SGTA: variants seen among roughly 807,000 people sequenced by gnomAD.
SGTA encodes the protein small glutamine rich tetratricopeptide repeat co-chaperone alpha, also known as small glutamine-rich tetratricopeptide repeat-containing protein alpha.
Under a neutral mutation model 44.3 loss-of-function variants are expected in SGTA, and 22 were observed. That is an observed-to-expected ratio of 0.50 (90% confidence interval 0.36 to 0.71). SGTA has a LOEUF of 0.71. SGTA is among the 30% of genes least tolerant of loss of function. The probability of loss-of-function intolerance (pLI) is 0.00; values close to 1 mark genes in which losing one functional copy is unlikely to be tolerated. For synonymous variants in SGTA, 174 were observed against 177.6 expected, an observed-to-expected ratio of 0.98 and a Z score of 0.16; for missense variants, 341 against 435.9, an observed-to-expected ratio of 0.78 and a Z score of 1.94.
intron 8 of SGTA, 86 bp from the exon 9 acceptor site, chr19:2,759,380 T>A: frequency 7.6e-7 from 1 of 1,310,070 alleles, no homozygotes; most frequent in Non-Finnish European, 1.1e-6. Flanking sequence ...TTAACCAGCC[T>A]TGGTTCTGGA....
In SGTA at chr19:2,767,431, A is replaced by G; in HGVS notation, c.207+149T>C. The G allele has an allele frequency of 1.3e-6, 1 of 757,448 alleles. No homozygotes were observed. 46.9% of individuals were successfully genotyped at this position (757,448 alleles called of 1,614,324 possible). ...CCCGCCGATAGGGGGAGGAGGGCCA[A>G]GTGCTCCTGCAGCCACGTCCCCAGC... On this transcript the variant is annotated intron_variant, in intron 3 of 11. Transcript: ENST00000221566. The surrounding 1 kb of genome is among the most constrained non-coding windows in gnomAD (Gnocchi z 7.3).
Position 2,767,023 on chromosome 19 carries a change from G to A in SGTA, c.292+113C>T, listed in dbSNP as rs1915161777. 1 of 791,384 alleles carries A rather than the reference G, an allele frequency of 1.3e-6. No homozygotes were observed. Among genetic ancestry groups the A allele is most frequent in the East Asian group, 2.7e-5 (1 of 37,054 alleles). The allele number at this position is 791,384 out of a possible 1,614,324, so 49.0% of individuals were successfully genotyped here. ...CACAAGCCAGCGTGCTGGTCATCAGGGCAATTCCCTCAGCTCCCTGGGCCC... is the reference window on the plus strand; with the variant it reads ...CACAAGCCAGCGTGCTGGTCATCAGAGCAATTCCCTCAGCTCCCTGGGCCC... On this transcript the variant is annotated intron_variant, in intron 4 of 11. Transcript: ENST00000221566. This position sits in a 1 kb window ranked among gnomAD's most constrained non-coding sequence, Gnocchi z 7.3.
rs1915058919 is a variant in SGTA, at chr19:2,763,513, C to G, written c.497+140G>C. The G allele has an allele frequency of 1.7e-6, 1 of 601,098 alleles. No individual in the cohort carries two copies. Among genetic ancestry groups the G allele is most frequent in the Non-Finnish European group, 2.9e-6 (1 of 342,150 alleles). 37.2% of individuals were successfully genotyped at this position (601,098 alleles called of 1,614,324 possible). On this transcript the variant is annotated intron_variant, in intron 6 of 11. Transcript: ENST00000221566. The surrounding 1 kb of genome is among the most constrained non-coding windows in gnomAD (Gnocchi z 5.8). ...CTGTAGGGACTACGTTGGCTCCGAA[C>G]AGCTAGTGTCAGAGTTGAACTGAAC...
chr19:2,763,646 C>A lies in SGTA; in HGVS notation c.497+7G>T, dbSNP rs537737254. ...CTGGAAAGGCGCGGCCGTGGACAGG[C>A]ACTCACCCCATCCTGCCGTAGGCCT... On this transcript the variant is annotated splice_region_variant and intron_variant, in intron 6 of 11. Transcript: ENST00000221566. This position sits in a 1 kb window ranked among gnomAD's most constrained non-coding sequence, Gnocchi z 5.8. The A allele has an allele frequency of 2.5e-6, 4 of 1,600,936 alleles. No homozygotes were observed. The highest frequency in any genetic ancestry group is 3.4e-6 in the Non-Finnish European group (4 of 1,169,380).
intron 1 of SGTA, among the ~76,000 whole-genome samples, chr19:2,777,020 T>C (rs1915458761): frequency 6.6e-6 from 1 of 151,662 alleles, no homozygotes; most frequent in African/African-American, 2.4e-5. Context: ...CCCAACACTT[T>C]GGGAAGCCGA....
chr19:2,770,436 C>CG (rs1326889580), intron 1 of SGTA: 1 of 152,318 alleles, frequency 6.6e-6, no homozygotes, highest in African/African-American at 2.4e-5. Context: ...GAGCTTCCCC[C>CG]GGGGCAGGCT....
rs1003084228 is a variant in SGTA, at chr19:2,765,052, G to C, written c.392+134C>G. ...TGCTGGTCACCTGATGCTCGCTCCT[G>C]GTCTGAGACCACCGGTGAATGGATC... On this transcript the variant is annotated intron_variant, in intron 5 of 11. Coordinates refer to ENST00000221566, the MANE Select transcript of SGTA (RefSeq NM_003021.4). The surrounding 1 kb of genome is among the most constrained non-coding windows in gnomAD (Gnocchi z 5.5). 9.2e-6 allele frequency: 6 copies of C among 655,298 alleles called. No homozygotes were observed. The highest frequency in any genetic ancestry group is 9.0e-5 in the African/African-American group (5 of 55,250). 40.6% of individuals were successfully genotyped at this position (655,298 alleles called of 1,614,324 possible). A position where few individuals can be genotyped will look rare whatever the true frequency, so the allele number is the denominator to read the frequency against.
intron 1 of SGTA, among the ~76,000 whole-genome samples, chr19:2,774,204 C>A (rs553867589): frequency 6.6e-6 from 1 of 152,368 alleles, no homozygotes; most frequent in African/African-American, 2.4e-5. Flanking sequence ...CAGGACGCAC[C>A]TCAGTCCTCG....
chr19:2,771,005 C>A (rs191967805), intron 1 of SGTA, among the ~76,000 whole-genome samples: 13 of 152,240 alleles, frequency 8.5e-5, no homozygotes, highest in African/African-American at 2.9e-4. Context: ...ACGGGTTGTT[C>A]GGCCTGAGCC....
intron 1 of SGTA, among the ~76,000 whole-genome samples, chr19:2,780,865 A>G (rs528334172): frequency 1.2e-4 from 19 of 152,316 alleles, no homozygotes; most frequent in African/African-American, 4.1e-4. Context: ...GTGGAGGATC[A>G]CTTGAACCCA....
chr19:2,757,502 C>T, intron 10 of SGTA, 45 bp from the exon 11 acceptor site: 1 of 1,591,730 alleles, frequency 6.3e-7, no homozygotes, highest in Non-Finnish European at 8.5e-7. Flanking sequence ...CAGGAGGCTG[C>T]CTGCTGCCTC....
chr19:2,761,587 G>C lies in SGTA; in HGVS notation c.637-65C>G. The stretch of plus-strand genomic sequence containing the variant: ...AGAGGCCACGGTGAATAACCCCCTG[G>C]AACTCAGAAACAACGGCCCCCCACG... On this transcript the variant is annotated intron_variant, in intron 7 of 11. Transcript: ENST00000221566. The surrounding 1 kb of genome is among the most constrained non-coding windows in gnomAD (Gnocchi z 5.7). 7.4e-7 allele frequency: 1 copy of C among 1,357,876 alleles called. No individual in the cohort carries two copies. The highest frequency in any genetic ancestry group is 2.5e-5 in the East Asian group (1 of 39,906). The allele number at this position is 1,357,876 out of a possible 1,614,324, so 84.1% of individuals were successfully genotyped here.
intron 1 of SGTA, among the ~76,000 whole-genome samples, chr19:2,775,722 G>C (rs1057006996): frequency 1.3e-5 from 2 of 152,154 alleles, no homozygotes; most frequent in Non-Finnish European, 2.9e-5. Context: ...CAGCTTCCTT[G>C]CTCCCTTTTG....
At chr19:2,759,584 G>A (rs1005440842) in intron 8 of SGTA, 2 of 435,922 alleles carry the variant, frequency 4.6e-6, no homozygotes, top group African/African-American at 4.0e-5. Flanking sequence ...GCTGTGTGGA[G>A]GCGTTTTGGT....
At position 2,755,494 on chromosome 19, in the gene SGTA, A is replaced by T. The variant is rs1196233550; in HGVS notation, c.*446T>A. On this transcript the variant is annotated 3_prime_UTR_variant, in exon 12 of 12. Transcript: ENST00000221566. The surrounding 1 kb of genome is among the most constrained non-coding windows in gnomAD (Gnocchi z 5.2). ...CGGGGTGGCCGGGAGGTCGACTCGG[A>T]AAGAGGCTTCTCACAGACGGGAGAG... is the stretch of plus-strand genomic sequence containing the variant. 4.1e-6 allele frequency: 4 copies of T among 987,008 alleles called. No individual in the cohort carries two copies. Among genetic ancestry groups the T allele is most frequent in the Non-Finnish European group, 4.8e-6 (4 of 830,138 alleles). 61.1% of individuals were successfully genotyped at this position (987,008 alleles called of 1,614,324 possible).
chr19:2,756,646 G>A (rs1337439760), intron 11 of SGTA, among the ~76,000 whole-genome samples: 1 of 152,046 alleles, frequency 6.6e-6, no homozygotes. Flanking sequence ...CCGCCCCCAG[G>A]GAGCCGGCGT....
At chr19:2,781,641 G>A (rs925552832) in intron 1 of SGTA, among the ~76,000 whole-genome samples, 3 of 151,944 alleles carry the variant, frequency 2.0e-5, no homozygotes, top group Non-Finnish European at 4.4e-5. Context: ...TTGGAAAGAT[G>A]GGGACCACCC....
chr19:2,763,605 G>A lies in SGTA; in HGVS notation c.497+48C>T, dbSNP rs781575093. ...AAGAGAGGAAGCAGGAGCAGGAGAG[G>A]AGGGGTCCCGAGAGACTGGAAAGGC... On this transcript the variant is annotated intron_variant, in intron 6 of 11. Coordinates refer to ENST00000221566, the MANE Select transcript of SGTA (RefSeq NM_003021.4). The surrounding 1 kb of genome is among the most constrained non-coding windows in gnomAD (Gnocchi z 5.8). 1.2e-5 allele frequency: 15 copies of A among 1,299,336 alleles called. 1 individual carries two copies. The South Asian group carries it at 1.9e-4, about 16-fold the overall frequency. The allele number at this position is 1,299,336 out of a possible 1,614,324, so 80.5% of individuals were successfully genotyped here. A position where few individuals can be genotyped will look rare whatever the true frequency, so the allele number is the denominator to read the frequency against.
chr19:2,762,530 C>G lies in SGTA; in HGVS notation c.612G>C (p.Leu204=). 1 of 1,614,086 alleles carries G rather than the reference C, an allele frequency of 6.2e-7. No homozygotes were observed. The highest frequency in any genetic ancestry group is 8.5e-7 in the Non-Finnish European group (1 of 1,180,010). ...CGGGGCTGGGGGCCTCCCGCAGCTTCAGCTCCGCTATCTTGAGGTTGGACT... is the reference window on the plus strand; with the variant it reads ...CGGGGCTGGGGGCCTCCCGCAGCTTGAGCTCCGCTATCTTGAGGTTGGACT... ...TYKSNLKIAE[L]KLREAPSPTG... Residue 204 remains leucine, a synonymous_variant, in exon 7 of 12, where the codon CTG becomes CTC. Transcript: ENST00000221566.
Sources: allele counts gnomAD v4.1 joint callset (sites outside exome capture counted in the v4.1 genomes callset), GRCh38; gene constraint gnomAD v4.1.1; non-coding constraint Gnocchi (gnomAD v3.1); transcripts MANE v1.5; gene names NCBI Gene and HGNC (gene_info 2026-07-23, HGNC 2026-07-21).